CCDC91: variants seen among roughly 807,000 people sequenced by gnomAD.
The protein encoded by CCDC91 is coiled-coil domain-containing protein 91.
CCDC91 carries 48 observed loss-of-function variants against 63.2 expected under a neutral mutation model. That is an observed-to-expected ratio of 0.76 (90% CI 0.60 to 0.97). CCDC91 has a LOEUF of 0.97. CCDC91 is among the 50% of genes least tolerant of loss of function. The pLI, the probability that CCDC91 is intolerant of heterozygous loss-of-function variation, is 0.00. For missense variants in CCDC91, 500 were observed against 494.6 expected (o/e 1.01, Z -0.10); for synonymous variants, 167 against 165.8 (o/e 1.01, Z -0.06).
chr12:28,527,626 G>C (rs769723775), intron 12 of CCDC91, among the ~76,000 whole-genome samples: 6 of 152,232 alleles, frequency 3.9e-5, no homozygotes, highest in Admixed American at 2.6e-4. Flanking sequence ...GGGAGTATGG[G>C]GGGGGAACAT....
chr12:28,190,464 TC>T lies in CCDC91; in HGVS notation c.-191del, dbSNP rs1941097942. 6.5e-6 allele frequency: 1 copy of T among 152,718 alleles called. No homozygotes were observed. Among genetic ancestry groups the T allele is most frequent in the Non-Finnish European group, 1.5e-5 (1 of 68,424 alleles). 9.5% of individuals were successfully genotyped at this position (152,718 alleles called of 1,614,324 possible). A position where few individuals can be genotyped will look rare whatever the true frequency, so the allele number is the denominator to read the frequency against. On this transcript the variant is annotated 5_prime_UTR_variant, in exon 1 of 13. Transcript: ENST00000536442. ...AATCAACTTCCGGGGGCAGAGGTGT[TC>T]GAAGCCGGGTGGTGCGTGGGCTACC...
intron 12 of CCDC91, among the ~76,000 whole-genome samples, chr12:28,547,299 G>A (rs1943057993): frequency 6.6e-6 from 1 of 152,020 alleles, no homozygotes; most frequent in African/African-American, 2.4e-5. Flanking sequence ...ATATTAAAAT[G>A]AAACTTTTAA....
At chr12:28,250,351 A>T (rs574332016) in intron 1 of CCDC91, among the ~76,000 whole-genome samples, 50 of 152,270 alleles carry the variant, frequency 3.3e-4, no homozygotes, top group African/African-American at 1.2e-3. Flanking sequence ...TAATAAATTT[A>T]CACCTCAGTT....
chr12:28,496,537 CTA>C (rs1211358520), intron 12 of CCDC91, among the ~76,000 whole-genome samples: 1 of 151,584 alleles, frequency 6.6e-6, no homozygotes, highest in Non-Finnish European at 1.5e-5. Flanking sequence ...CAAATGGCCA[CTA>C]CATTCTTTAG....
At chr12:28,474,463 G>A (rs1950978480) in intron 11 of CCDC91, among the ~76,000 whole-genome samples, 1 of 151,968 alleles carries the variant, frequency 6.6e-6, no homozygotes, top group Admixed American at 6.6e-5. Context: ...ACAGGCAATG[G>A]ACCGGATTTG....
intron 1 of CCDC91, among the ~76,000 whole-genome samples, chr12:28,215,146 T>C (rs1038534471): frequency 6.6e-6 from 1 of 152,174 alleles, no homozygotes; most frequent in Admixed American, 6.6e-5. Flanking sequence ...AGTCTTCTCT[T>C]GTACTTGGAC....
chr12:28,287,359 T>C (rs187276824), intron 3 of CCDC91, among the ~76,000 whole-genome samples: 1 of 152,332 alleles, frequency 6.6e-6, no homozygotes, highest in African/African-American at 2.4e-5. Flanking sequence ...TTTAAGTCTT[T>C]AATCCACTCT....
chr12:28,238,341 GTATC>G (rs1333153697), intron 1 of CCDC91, among the ~76,000 whole-genome samples: 3 of 152,068 alleles, frequency 2.0e-5, no homozygotes, highest in African/African-American at 4.8e-5. Flanking sequence ...ATATAACCTT[GTATC>G]TATCATACTG....
intron 8 of CCDC91, among the ~76,000 whole-genome samples, 190 bp from the exon 9 acceptor site, chr12:28,449,971 G>A (rs1243055013): frequency 1.3e-5 from 2 of 151,886 alleles, no homozygotes; most frequent in African/African-American, 2.4e-5. Flanking sequence ...GCTAAGAAAT[G>A]TATCTTGGCT....
intron 7 of CCDC91, among the ~76,000 whole-genome samples, chr12:28,390,652 A>G (rs1945874955): frequency 6.6e-6 from 1 of 152,142 alleles, no homozygotes; most frequent in Admixed American, 6.5e-5. Flanking sequence ...ACAGTATCCA[A>G]TTAAGTATGC....
chr12:28,341,153 ATCT>A (rs1039136424), intron 6 of CCDC91, among the ~76,000 whole-genome samples: 10 of 152,114 alleles, frequency 6.6e-5, no homozygotes, highest in Admixed American at 6.5e-4. Flanking sequence ...CAGCCACTAC[ATCT>A]TCTTCTGCTG....
At chr12:28,459,478 T>C (rs1950205809) in intron 11 of CCDC91, among the ~76,000 whole-genome samples, 1 of 152,168 alleles carries the variant, frequency 6.6e-6, no homozygotes, top group Admixed American at 6.5e-5. Context: ...CTTAGAGTTT[T>C]GGTAGCTTTT....
At chr12:28,519,781 C>T (rs1230935601) in intron 12 of CCDC91, among the ~76,000 whole-genome samples, 1 of 139,504 alleles carries the variant, frequency 7.2e-6, no homozygotes, top group Non-Finnish European at 1.5e-5. Flanking sequence ...CAAGTGTTCT[C>T]ATTGTTCAAA....
intron 3 of CCDC91, among the ~76,000 whole-genome samples, chr12:28,288,753 A>G (rs1048948780): frequency 7.9e-5 from 12 of 152,204 alleles, no homozygotes; most frequent in African/African-American, 2.4e-4. Context: ...TTTCAGTAGG[A>G]ATAGTACCAG....
chr12:28,302,827 T>A (rs935027956), intron 3 of CCDC91: 1 of 156,920 alleles, frequency 6.4e-6, no homozygotes, highest in Non-Finnish European at 1.4e-5. Flanking sequence ...TATATAGATC[T>A]AGATTTCTGC....
intron 8 of CCDC91, chr12:28,412,666 G>A (rs888297119): frequency 4.7e-6 from 2 of 427,324 alleles, no homozygotes; most frequent in African/African-American, 4.1e-5. Context: ...GCATGGAAGG[G>A]GACCTGAGCA....
intron 7 of CCDC91, among the ~76,000 whole-genome samples, chr12:28,369,982 G>A (rs1176418521): frequency 1.3e-5 from 2 of 152,180 alleles, no homozygotes; most frequent in African/African-American, 2.4e-5. Flanking sequence ...AGGCCTCTAC[G>A]GGCTATGGGA....
intron 3 of CCDC91, among the ~76,000 whole-genome samples, chr12:28,276,871 T>G (rs915417445): frequency 6.6e-6 from 1 of 152,010 alleles, no homozygotes; most frequent in Non-Finnish European, 1.5e-5. Flanking sequence ...TATATGTATA[T>G]TTTTAAAGGT....
At chr12:28,412,672 G>A (rs1391829687) in intron 8 of CCDC91, 3 of 440,732 alleles carry the variant, frequency 6.8e-6, no homozygotes, top group Non-Finnish European at 1.4e-5. Flanking sequence ...AAGGGGACCT[G>A]AGCAGGTTGC....
Sources: allele counts gnomAD v4.1 joint callset (sites outside exome capture counted in the v4.1 genomes callset), GRCh38; gene constraint gnomAD v4.1.1; transcripts MANE v1.5; gene names NCBI Gene and HGNC (gene_info 2026-07-23, HGNC 2026-07-21).